NEGR1: variants seen among roughly 807,000 people sequenced by gnomAD.
NEGR1 encodes the protein neuronal growth regulator 1.
A neutral mutation model predicts 40.9 loss-of-function variants in NEGR1; 10 were observed. That is an observed-to-expected ratio of 0.24 (90% confidence interval 0.15 to 0.42). The LOEUF is 0.42. Ranked by LOEUF, NEGR1 falls within the 10% of genes least tolerant of loss-of-function variation. The pLI is 1.00. For missense variants in NEGR1, 352 were observed against 438.9 expected (o/e 0.80, Z 1.77); for synonymous variants, 185 against 166.8 (o/e 1.11, Z -0.84).
chr1:71,644,772 T>A (rs576020878), intron 4 of NEGR1, among the ~76,000 whole-genome samples: 41 of 152,074 alleles, frequency 2.7e-4, no homozygotes, highest in African/African-American at 9.1e-4. Flanking sequence ...GTAATTATTA[T>A]TAACATTGAA....
chr1:72,020,162 A>C (rs2100418646), intron 1 of NEGR1, among the ~76,000 whole-genome samples: 1 of 152,284 alleles, frequency 6.6e-6, no homozygotes, highest in East Asian at 1.9e-4. Flanking sequence ...AGATCACCTA[A>C]AAATATTTGA....
chr1:71,936,509 G>C (rs1645906715), intron 1 of NEGR1, among the ~76,000 whole-genome samples: 1 of 152,132 alleles, frequency 6.6e-6, no homozygotes, highest in African/African-American at 2.4e-5. Flanking sequence ...AAGGCATAAA[G>C]GCCTTCTGAA....
At chr1:72,182,251 T>C (rs1570091740) in intron 1 of NEGR1, among the ~76,000 whole-genome samples, 1 of 152,150 alleles carries the variant, frequency 6.6e-6, no homozygotes, top group African/African-American at 2.4e-5. Context: ...CCCAGCACTT[T>C]GGGAGACCGA....
Position 71,397,763 on chromosome 1 carries a change from G to C in NEGR1, c.*9683C>G, listed in dbSNP as rs1646221506. The stretch of plus-strand genomic sequence containing the variant: ...AAAATTGCATAAGTAATGAGGAGCT[G>C]AATGTCACCAAGACAGTGGGGAATA... On this transcript the variant is annotated 3_prime_UTR_variant, in exon 7 of 7. Transcript: ENST00000357731. 6.6e-6 allele frequency: 1 copy of C among 152,218 alleles called. No homozygotes were observed. The highest frequency in any genetic ancestry group is 1.5e-5 in the Non-Finnish European group (1 of 68,050). The allele number at this position is 152,218 out of a possible 1,614,324, so 9.4% of individuals were successfully genotyped here.
chr1:72,209,101 T>G lies in NEGR1; in HGVS notation c.176+73218A>C, dbSNP rs1292861021. ...CTTTCAGGCAAGTATGTGGAGATAC[T>G]CCTTTTCAACACCAAGAGATTTAGA... On this transcript the variant is annotated intron_variant, in intron 1 of 6. Coordinates refer to ENST00000357731, the MANE Select transcript of NEGR1 (RefSeq NM_173808.3). Among the ~76,000 whole-genome samples, 3 of 151,644 alleles carry G rather than the reference T, an allele frequency of 2.0e-5. No homozygotes were observed. The Admixed American group carries it at 2.0e-4, about 10-fold the overall frequency.
At chr1:71,766,167 C>T (rs987369003) in intron 3 of NEGR1, among the ~76,000 whole-genome samples, 2 of 102,812 alleles carry the variant, frequency 1.9e-5, no homozygotes, top group Middle Eastern at 4.8e-3. Context: ...AGCAAGACTC[C>T]GTCTCAAAAA....
intron 1 of NEGR1, among the ~76,000 whole-genome samples, chr1:72,145,525 C>T (rs1265058818): frequency 2.0e-5 from 3 of 152,100 alleles, no homozygotes; most frequent in Admixed American, 6.6e-5. Context: ...AGTGAATGTG[C>T]ATGCATCTTG....
At chr1:72,090,358 T>C (rs1648425641) in intron 1 of NEGR1, among the ~76,000 whole-genome samples, 1 of 143,208 alleles carries the variant, frequency 7.0e-6, no homozygotes, top group South Asian at 2.1e-4. Flanking sequence ...AATAATTCTT[T>C]TTTTCTTAAA....
chr1:71,584,731 A>G (rs1649246881), intron 6 of NEGR1, among the ~76,000 whole-genome samples: 1 of 152,196 alleles, frequency 6.6e-6, no homozygotes, highest in Non-Finnish European at 1.5e-5. Flanking sequence ...AATATCTCAC[A>G]GGACCTCCAA....
intron 5 of NEGR1, among the ~76,000 whole-genome samples, chr1:71,597,184 A>G (rs1382675191): frequency 6.6e-6 from 1 of 152,164 alleles, no homozygotes; most frequent in East Asian, 1.9e-4. Context: ...GAGTGATGGT[A>G]GAACTCTTAC....
At chr1:71,823,324 C>A (rs774300662) in intron 2 of NEGR1, among the ~76,000 whole-genome samples, 9 of 151,240 alleles carry the variant, frequency 6.0e-5, no homozygotes, top group Non-Finnish European at 1.2e-4. Context: ...TAAATATGAT[C>A]CCAAATTATT....
chr1:71,927,085 C>G (rs1293246327), intron 2 of NEGR1, among the ~76,000 whole-genome samples: 1 of 152,184 alleles, frequency 6.6e-6, no homozygotes, highest in South Asian at 2.1e-4. Flanking sequence ...CACCTTATAT[C>G]TTATAAATCA....
At chr1:71,597,427 T>TA (rs1553152611) in intron 5 of NEGR1, among the ~76,000 whole-genome samples, 1 of 121,084 alleles carries the variant, frequency 8.3e-6, no homozygotes, top group Non-Finnish European at 1.7e-5. Flanking sequence ...TATATATATA[T>TA]ATATGTCTCT....
intron 2 of NEGR1, among the ~76,000 whole-genome samples, chr1:71,778,420 G>A (rs561846036): frequency 5.3e-5 from 8 of 152,154 alleles, no homozygotes; most frequent in African/African-American, 1.7e-4. Context: ...ACCAACTGTG[G>A]TTAAGTGTCT....
chr1:71,618,761 A>G (rs1189618056), intron 4 of NEGR1, among the ~76,000 whole-genome samples: 1 of 152,122 alleles, frequency 6.6e-6, no homozygotes, highest in East Asian at 1.9e-4. Context: ...TTGTCTTCCA[A>G]AAAACCGGTC....
chr1:72,168,885 G>A (rs1557560349), intron 1 of NEGR1, among the ~76,000 whole-genome samples: 1 of 152,168 alleles, frequency 6.6e-6, no homozygotes, highest in East Asian at 1.9e-4. Context: ...AGGAGACAGA[G>A]AGAGACCCTG....
At chr1:72,172,580 T>A (rs1427305876) in intron 1 of NEGR1, among the ~76,000 whole-genome samples, 1 of 152,206 alleles carries the variant, frequency 6.6e-6, no homozygotes, top group East Asian at 1.9e-4. Context: ...AAAATGGTAT[T>A]CTTTCCTTGT....
chr1:71,928,997 AT>A (rs544186834), intron 2 of NEGR1, among the ~76,000 whole-genome samples: 18 of 152,254 alleles, frequency 1.2e-4, no homozygotes, highest in African/African-American at 4.3e-4. Context: ...ATGAGTATGT[AT>A]ACCCCTATCC....
chr1:71,680,691 G>A (rs1410852056), intron 4 of NEGR1, among the ~76,000 whole-genome samples: 1 of 152,014 alleles, frequency 6.6e-6, no homozygotes, highest in African/African-American at 2.4e-5. Flanking sequence ...TAACACCATT[G>A]CTCTCCTTCC....
Sources: gnomAD v4.1 joint callset for allele counts (sites outside exome capture counted in the v4.1 genomes callset) on GRCh38, gnomAD v4.1.1 for gene constraint, MANE v1.5 for transcripts, NCBI Gene and HGNC (gene_info 2026-07-23, HGNC 2026-07-21) for gene names.